Variants in DGKB observed in about 807,000 individuals in gnomAD.
DGKB encodes the protein diacylglycerol kinase beta, also known as 90 kDa diacylglycerol kinase.
In DGKB, 67 loss-of-function variants were observed where a neutral mutation model predicts 114.3. The ratio of observed to expected loss-of-function variants is 0.59; its 90% CI spans 0.48 to 0.72. The LOEUF is 0.72. DGKB is among the 30% of genes least tolerant of loss of function. The pLI is 0.00. For synonymous variants in DGKB, 398 were observed against 323.1 expected (o/e 1.23, Z -2.49); for missense variants, 907 against 975.2 (o/e 0.93, Z 0.93).
intron 20 of DGKB, among the ~76,000 whole-genome samples, chr7:14,566,568 G>A (rs182962983): frequency 4.6e-5 from 7 of 152,134 alleles, no homozygotes; most frequent in South Asian, 2.1e-4. Flanking sequence ...CAAATGGATC[G>A]GGTTACCTCA....
rs185411816 is a variant in DGKB at position 14,388,676 on chromosome 7, C to T, written c.1836-43285G>A. ...GTAAGAATAAGTAAATTAGTAAATTCCAAAGTTCAAACATTAACTTCTATT... is the reference window on the plus strand; with the variant it reads ...GTAAGAATAAGTAAATTAGTAAATTTCAAAGTTCAAACATTAACTTCTATT... On this transcript the variant is annotated intron_variant, in intron 21 of 25. Transcript: ENST00000402815. Among the ~76,000 whole-genome samples, 833 of 151,974 alleles carry T rather than the reference C, an allele frequency of 5.5e-3. 5 individuals carry two copies. The highest frequency in any genetic ancestry group is 0.015 in the African/African-American group (628 of 41,468).
chr7:14,652,285 C>G (rs1171452264), intron 13 of DGKB, among the ~76,000 whole-genome samples: 1 of 152,158 alleles, frequency 6.6e-6, no homozygotes, highest in Non-Finnish European at 1.5e-5. Context: ...CAGCACGGTA[C>G]TGGTACCAAA....
At chr7:14,654,691 T>C (rs1158515392) in intron 13 of DGKB, among the ~76,000 whole-genome samples, 1 of 151,570 alleles carries the variant, frequency 6.6e-6, no homozygotes, top group African/African-American at 2.4e-5. Context: ...CACAGACAAA[T>C]AGAACAGTAT....
At chr7:14,739,741 C>T (rs994347432) in intron 4 of DGKB, among the ~76,000 whole-genome samples, 1 of 152,178 alleles carries the variant, frequency 6.6e-6, no homozygotes, top group Non-Finnish European at 1.5e-5. Context: ...GGAAACTGCA[C>T]CCCTTGCGTC....
intron 25 of DGKB, among the ~76,000 whole-genome samples, chr7:14,156,078 T>A (rs1372654584): frequency 6.6e-6 from 1 of 151,868 alleles, no homozygotes; most frequent in Non-Finnish European, 1.5e-5. Context: ...GTCAGAGAGG[T>A]AGGAGAAAAA....
chr7:14,467,521 G>A (rs951850315), intron 21 of DGKB, among the ~76,000 whole-genome samples: 22 of 151,950 alleles, frequency 1.4e-4, no homozygotes, highest in African/African-American at 5.3e-4. Flanking sequence ...TCTGTATGAT[G>A]TAATTATTAT....
At chr7:14,811,043 A>T (rs999123332) in intron 2 of DGKB, among the ~76,000 whole-genome samples, 2 of 152,158 alleles carry the variant, frequency 1.3e-5, no homozygotes, top group Non-Finnish European at 2.9e-5. Flanking sequence ...ACAGTTTCAG[A>T]TGTTTTAAAC....
At chr7:14,643,373 A>G (rs955183984) in intron 13 of DGKB, among the ~76,000 whole-genome samples, 6 of 151,944 alleles carry the variant, frequency 3.9e-5, no homozygotes, top group Non-Finnish European at 5.9e-5. Context: ...GGAAAATCAA[A>G]CTGGGTGCCC....
At chr7:14,505,560 T>G (rs985671008) in intron 20 of DGKB, among the ~76,000 whole-genome samples, 1 of 152,230 alleles carries the variant, frequency 6.6e-6, no homozygotes, top group South Asian at 2.1e-4. Flanking sequence ...TTGTGAAGGT[T>G]TTGAAAACAC....
chr7:14,851,597 G>A (rs1298396376), intron 1 of DGKB, among the ~76,000 whole-genome samples: 2 of 152,144 alleles, frequency 1.3e-5, no homozygotes, highest in African/African-American at 4.8e-5. Context: ...TCTTCAGCAG[G>A]TGGTGTCTAT....
At chr7:14,821,760 G>C (rs1844966906) in intron 2 of DGKB, among the ~76,000 whole-genome samples, 1 of 152,092 alleles carries the variant, frequency 6.6e-6, no homozygotes, top group Admixed American at 6.6e-5. Flanking sequence ...TATTTTTCAA[G>C]GAATTTATTG....
chr7:14,178,183 A>G lies in DGKB; in HGVS notation c.2123-32T>C, dbSNP rs768158111. ...GAAAGTAGATGCCTTTTAAGTTGCAATGTGTATACATATGTCCACAATTTA... is the reference window on the plus strand; with the variant it reads ...GAAAGTAGATGCCTTTTAAGTTGCAGTGTGTATACATATGTCCACAATTTA... On this transcript the variant is annotated intron_variant, in intron 23 of 25. Coordinates refer to ENST00000402815, the MANE Select transcript of DGKB (RefSeq NM_001350709.2). 4 of 1,610,884 alleles carry G rather than the reference A, an allele frequency of 2.5e-6. No individual in the cohort carries two copies. The African/African-American group carries it at 4.0e-5, about 16-fold the overall frequency.
chr7:14,293,279 T>C (rs1256912934), intron 23 of DGKB, among the ~76,000 whole-genome samples: 3 of 152,172 alleles, frequency 2.0e-5, no homozygotes, highest in African/African-American at 7.2e-5. Context: ...ACAGTTTACC[T>C]GAATTTGCAG....
chr7:14,417,711 T>TA (rs1825926106), intron 21 of DGKB, among the ~76,000 whole-genome samples: 2 of 151,912 alleles, frequency 1.3e-5, no homozygotes, highest in South Asian at 2.1e-4. Context: ...CTTTTTTTTT[T>TA]AACTTGTACA....
chr7:14,341,580 T>C (rs1811607763), intron 22 of DGKB, among the ~76,000 whole-genome samples: 1 of 151,952 alleles, frequency 6.6e-6, no homozygotes. Context: ...CATATAGTAC[T>C]ATGGGAGCTA....
chr7:14,697,993 GAAAA>G, intron 8 of DGKB, 98 bp downstream of exon 8: 2 of 644,184 alleles, frequency 3.1e-6, no homozygotes, highest in Non-Finnish European at 2.7e-6. Context: ...GAGAGAGAAA[GAAAA>G]AAAGAAAGAA....
intron 20 of DGKB, among the ~76,000 whole-genome samples, chr7:14,536,008 C>T (rs1792432391): frequency 6.6e-6 from 1 of 151,840 alleles, no homozygotes; most frequent in African/African-American, 2.4e-5. Flanking sequence ...ATAAAAATAA[C>T]AAAAAGGACT....
rs1554272195 is a variant in DGKB, at chr7:14,170,187, A to AAGAG, written c.2304+6651_2304+6652insCTCT. Among the ~76,000 whole-genome samples the AAGAG allele has an allele frequency of 4.9e-3, 670 of 136,978 alleles. 26 individuals carry two copies. Among genetic ancestry groups the AAGAG allele is most frequent in the African/African-American group, 0.018 (646 of 35,166 alleles). 89.9% of individuals were successfully genotyped at this position (136,978 alleles called of 152,430 possible). ...AAAGAAAGAAAGAAAGAAAGAAAGA[A>AAGAG]AGAAAGAAAGAAAGAAATACATTAA... On this transcript the variant is annotated intron_variant, in intron 25 of 25. Transcript: ENST00000402815.
rs149141997 is a variant in DGKB at position 14,265,618 on chromosome 7, C to G, written c.2122+72897G>C. The stretch of plus-strand genomic sequence containing the variant: ...TATTCCATAGTATCTCATCCTTGCT[C>G]TAATAATTACATTTTTTTAAGCTAT... On this transcript the variant is annotated intron_variant, in intron 23 of 25. Transcript: ENST00000402815. Among the ~76,000 whole-genome samples the G allele has an allele frequency of 2.8e-3, 422 of 152,080 alleles. 3 individuals are homozygous for G. The highest frequency in any genetic ancestry group is 9.7e-3 in the African/African-American group (401 of 41,470).
Sources: allele counts gnomAD v4.1 joint callset (sites outside exome capture counted in the v4.1 genomes callset), GRCh38; gene constraint gnomAD v4.1.1; transcripts MANE v1.5; gene names NCBI Gene and HGNC (gene_info 2026-07-23, HGNC 2026-07-21).